The following SYT1 variants were observed in gnomAD, a reference collection of about 807,000 sequenced individuals.
The protein encoded by SYT1 is synaptotagmin-1.
In SYT1, 8 loss-of-function variants were observed where a neutral mutation model predicts 44.8. That is an observed-to-expected ratio of 0.18 (90% CI 0.10 to 0.32). SYT1 has a LOEUF of 0.32. Among genes scored for constraint, SYT1 ranks in the 10% least tolerant of loss-of-function variants. The probability of loss-of-function intolerance (pLI) is 1.00; values close to 1 mark genes in which losing one functional copy is unlikely to be tolerated. For synonymous variants in SYT1, 154 were observed against 188.8 expected, an observed-to-expected ratio of 0.82 and a Z score of 1.51; for missense variants, 286 against 509.3, an observed-to-expected ratio of 0.56 and a Z score of 4.22.
chr12:79,217,899 CAAA>C (rs201280932), intron 4 of SYT1, among the ~76,000 whole-genome samples: 2,537 of 149,376 alleles, frequency 0.017, 65 homozygotes, highest in African/African-American at 0.058. Context: ...ATCCAGTTTA[CAAA>C]AAAAAAAAAG....
intron 3 of SYT1, among the ~76,000 whole-genome samples, chr12:79,114,494 C>A (rs1167017055): frequency 1.3e-5 from 2 of 152,128 alleles, no homozygotes; most frequent in East Asian, 3.9e-4. Context: ...CAACCCCTAA[C>A]TCCCATGTCT....
rs142256984 is a variant in SYT1, at chr12:78,864,846, C to G, written c.-480C>G. 51 of 158,290 alleles carry G rather than the reference C, an allele frequency of 3.2e-4. No individual in the cohort carries two copies. Among genetic ancestry groups the G allele is most frequent in the African/African-American group, 1.1e-3 (47 of 41,640 alleles). The allele number at this position is 158,290 out of a possible 1,614,324, so 9.8% of individuals were successfully genotyped here. ...TAGCAGCGGCAACTTGAGGCTGCAC[C>G]CCGGGCAAGTCCCCAGGGTGGTGCT... On this transcript the variant is annotated 5_prime_UTR_variant, in exon 1 of 11. Transcript: ENST00000261205.
At chr12:79,236,394 T>TA (rs1413246687) in intron 4 of SYT1, among the ~76,000 whole-genome samples, 1 of 152,228 alleles carries the variant, frequency 6.6e-6, no homozygotes, top group Non-Finnish European at 1.5e-5. Flanking sequence ...GTTCTACAGA[T>TA]ACGTGCTTCC....
chr12:79,419,911 A>G (rs558579431), intron 9 of SYT1, among the ~76,000 whole-genome samples: 1 of 152,100 alleles, frequency 6.6e-6, no homozygotes, highest in Non-Finnish European at 1.5e-5. Flanking sequence ...TACTGTATGT[A>G]TTTTGTGCAT....
chr12:79,329,579 T>G (rs1381698204), intron 8 of SYT1, among the ~76,000 whole-genome samples: 1 of 152,194 alleles, frequency 6.6e-6, no homozygotes, highest in Non-Finnish European at 1.5e-5. Flanking sequence ...CCACTTTATC[T>G]CATCTCATCT....
rs375423225 is a variant in SYT1, at chr12:79,225,351, G to A, written c.166+7666G>A. On this transcript the variant is annotated intron_variant, in intron 4 of 10. Coordinates refer to ENST00000261205, the MANE Select transcript of SYT1 (RefSeq NM_005639.3). ...CAAGTTGATCTAAGACACACACTTA[G>A]CACAGTTGTCAGTAATTACCATTCT... Among the ~76,000 whole-genome samples, 7 of 152,292 alleles carry A rather than the reference G, an allele frequency of 4.6e-5. 1 individual carries two copies. Among genetic ancestry groups the A allele is most frequent in the Admixed American group, 3.3e-4 (5 of 15,296 alleles).
At chr12:78,885,561 A>G (rs1411453966) in intron 1 of SYT1, among the ~76,000 whole-genome samples, 2 of 151,926 alleles carry the variant, frequency 1.3e-5, no homozygotes, top group African/African-American at 4.8e-5. Flanking sequence ...ACATTTCACC[A>G]CAGATCTGGA....
chr12:79,251,977 ATGAT>A (rs932618276), intron 4 of SYT1, among the ~76,000 whole-genome samples: 48 of 85,038 alleles, frequency 5.6e-4, no homozygotes, highest in East Asian at 5.1e-3. Flanking sequence ...AACAAGATAG[ATGAT>A]TGATAGATAG....
chr12:79,343,042 T>G (rs7960835), intron 8 of SYT1, among the ~76,000 whole-genome samples: 13,447 of 152,154 alleles, frequency 0.088, 1,223 homozygotes, highest in African/African-American at 0.24. Flanking sequence ...CAAGAGTGAG[T>G]GGCCAGGGAG....
At position 79,179,461 on chromosome 12, in the gene SYT1, A is replaced by G. The variant is rs532409469; in HGVS notation, c.-17-38042A>G. Among the ~76,000 whole-genome samples the G allele has an allele frequency of 3.2e-3, 316 of 99,272 alleles. 9 individuals are homozygous for G. Among genetic ancestry groups the G allele is most frequent in the Non-Finnish European group, 5.0e-3 (256 of 50,800 alleles). 65.1% of individuals were successfully genotyped at this position (99,272 alleles called of 152,430 possible). A position where few individuals can be genotyped will look rare whatever the true frequency, so the allele number is the denominator to read the frequency against. ...ATCCATATAGATATAGATATAATCT[A>G]TATAGATATAGATATAGAGATATAG... On this transcript the variant is annotated intron_variant, in intron 3 of 10. Transcript: ENST00000261205.
chr12:78,988,811 G>A (rs1001148268), intron 2 of SYT1, among the ~76,000 whole-genome samples: 2 of 152,060 alleles, frequency 1.3e-5, no homozygotes, highest in Admixed American at 6.6e-5. Flanking sequence ...TAAAATGATT[G>A]ACTATTATAC....
rs560425250 is a variant in SYT1, at chr12:78,932,445, T to C, written c.-216-45354T>C. Among the ~76,000 whole-genome samples, 10 of 152,286 alleles carry C rather than the reference T, an allele frequency of 6.6e-5. No homozygotes were observed. The South Asian group carries it at 2.1e-3, about 32-fold the overall frequency. ...TTGTTCTAAAACACTTGGATAGTTA[T>C]TTGTGCCTTCAAAATTATCTAATGT... On this transcript the variant is annotated intron_variant, in intron 1 of 10. Coordinates refer to ENST00000261205, the MANE Select transcript of SYT1 (RefSeq NM_005639.3).
intron 1 of SYT1, chr12:78,963,940 T>C (rs1879642363): frequency 6.6e-6 from 1 of 152,220 alleles, no homozygotes; most frequent in African/African-American, 2.4e-5. Flanking sequence ...GACAGATGAA[T>C]ACATTTTTTA....
At chr12:79,115,682 C>T (rs1389182900) in intron 3 of SYT1, among the ~76,000 whole-genome samples, 1 of 152,180 alleles carries the variant, frequency 6.6e-6, no homozygotes, top group Non-Finnish European at 1.5e-5. Context: ...GCTTTCACCA[C>T]TGATATTGTA....
At chr12:78,872,091 G>A (rs1462579380) in intron 1 of SYT1, among the ~76,000 whole-genome samples, 1 of 151,840 alleles carries the variant, frequency 6.6e-6, no homozygotes, top group Non-Finnish European at 1.5e-5. Flanking sequence ...AAATTATAAT[G>A]TTAAATTTAA....
chr12:79,260,791 T>A (rs1256875069), intron 4 of SYT1, among the ~76,000 whole-genome samples: 2 of 140,206 alleles, frequency 1.4e-5, no homozygotes, highest in Non-Finnish European at 3.1e-5. Context: ...ATTCTGTTTT[T>A]ACAGAAATCT....
intron 1 of SYT1, among the ~76,000 whole-genome samples, chr12:78,909,198 G>A (rs535362024): frequency 1.3e-5 from 2 of 151,812 alleles, no homozygotes; most frequent in South Asian, 2.1e-4. Context: ...TATTTCCAAG[G>A]TGAATGGTTA....
intron 8 of SYT1, among the ~76,000 whole-genome samples, chr12:79,316,996 C>A (rs934558708): frequency 6.6e-6 from 1 of 152,092 alleles, no homozygotes; most frequent in Non-Finnish European, 1.5e-5. Context: ...AAATTATATA[C>A]CTATGTGTTT....
At chr12:79,246,166 G>C (rs1876839286) in intron 4 of SYT1, among the ~76,000 whole-genome samples, 1 of 152,148 alleles carries the variant, frequency 6.6e-6, no homozygotes, top group African/African-American at 2.4e-5. Context: ...ATGAAGAACA[G>C]AATCTGAAGA....
Sources: gnomAD v4.1 joint callset for allele counts (sites outside exome capture counted in the v4.1 genomes callset) on GRCh38, gnomAD v4.1.1 for gene constraint, MANE v1.5 for transcripts, NCBI Gene and HGNC (gene_info 2026-07-23, HGNC 2026-07-21) for gene names.